ARHGAP8: variants seen among roughly 807,000 people sequenced by gnomAD.
ARHGAP8 encodes the protein Rho GTPase activating protein 8.
A neutral mutation model predicts 46.1 loss-of-function variants in ARHGAP8; 62 were observed. That is an observed-to-expected ratio of 1.34 (90% CI 1.10 to 1.66). The LOEUF (loss-of-function observed/expected upper bound fraction) is 1.66. Ranked by LOEUF, ARHGAP8 falls within the 40% of genes most tolerant of loss-of-function variation. The pLI is 0.00. For missense variants in ARHGAP8, 923 were observed against 568.4 expected (o/e 1.62, Z -6.34); for synonymous variants, 375 against 243.1 (o/e 1.54, Z -5.05).
chr22:44,837,540 A>T (rs1931368319), intron 7 of ARHGAP8, among the ~76,000 whole-genome samples: 2 of 152,286 alleles, frequency 1.3e-5, no homozygotes, highest in East Asian at 1.9e-4. Context: ...GATGCACGAG[A>T]TGAACGTGGT....
chr22:44,839,731 C>A (rs1028832967), intron 7 of ARHGAP8, among the ~76,000 whole-genome samples: 1 of 152,210 alleles, frequency 6.6e-6, no homozygotes, highest in Non-Finnish European at 1.5e-5. Context: ...ACACTCAGCC[C>A]GGTGGGTTTC....
intron 2 of ARHGAP8, among the ~76,000 whole-genome samples, chr22:44,791,088 G>A (rs983850746): frequency 6.6e-6 from 1 of 151,994 alleles, no homozygotes; most frequent in African/African-American, 2.4e-5. Flanking sequence ...TGGGTACCCC[G>A]GGGACTGGGA....
At chr22:44,861,737 G>T (rs8138737) in intron 11 of ARHGAP8, among the ~76,000 whole-genome samples, 27,489 of 152,034 alleles carry the variant, frequency 0.18, 3,130 homozygotes, top group Admixed American at 0.24. Context: ...GTACCTTCCA[G>T]GCCCCAGATT....
At chr22:44,803,768 T>G (rs187284744) in intron 3 of ARHGAP8, among the ~76,000 whole-genome samples, 4 of 118,552 alleles carry the variant, frequency 3.4e-5, no homozygotes, top group Admixed American at 9.6e-5. Context: ...CCCCCTCCCA[T>G]GCACACACCC....
chr22:44,758,397 G>T (rs940699012), intron 1 of ARHGAP8, among the ~76,000 whole-genome samples: 1 of 152,162 alleles, frequency 6.6e-6, no homozygotes, highest in Non-Finnish European at 1.5e-5. Context: ...ACTCCAGCCT[G>T]GGTGACAGAG....
At chr22:44,760,753 G>A (rs1925068297) in intron 1 of ARHGAP8, among the ~76,000 whole-genome samples, 1 of 152,212 alleles carries the variant, frequency 6.6e-6, no homozygotes, top group African/African-American at 2.4e-5. Flanking sequence ...GAACAGTTGG[G>A]TGATTTGAAT....
In ARHGAP8 at chr22:44,837,324, C is replaced by T. The variant is rs528328161; in HGVS notation, c.597-7945C>T. Among the ~76,000 whole-genome samples, 8 of 152,338 alleles carry T rather than the reference C, an allele frequency of 5.3e-5. No homozygotes were observed. In the South Asian group the frequency reaches 6.2e-4, roughly 12 times the overall value. ...CAAGCAAGAATTCTATGCTGAGAGT[C>T]CCCGATGCCCTCCAGTGGGTGGACG... On this transcript the variant is annotated intron_variant, in intron 7 of 11. Transcript: ENST00000356099.
At chr22:44,856,885 C>T (rs1251740250) in intron 10 of ARHGAP8, among the ~76,000 whole-genome samples, 2 of 144,108 alleles carry the variant, frequency 1.4e-5, no homozygotes, top group Non-Finnish European at 3.0e-5. Context: ...GAGACTTTGA[C>T]CACCCTCACA....
At chr22:44,783,422 C>T (rs974998856) in intron 1 of ARHGAP8, among the ~76,000 whole-genome samples, 2 of 152,158 alleles carry the variant, frequency 1.3e-5, no homozygotes, top group Non-Finnish European at 2.9e-5. Context: ...TTGAAGAGCT[C>T]GGCCCCCACA....
chr22:44,859,480 C>T (rs1400157049), intron 10 of ARHGAP8, among the ~76,000 whole-genome samples: 3 of 152,154 alleles, frequency 2.0e-5, no homozygotes, highest in African/African-American at 2.4e-5. Context: ...CATGCTTGTA[C>T]AGCCTGTAGA....
At chr22:44,807,305 G>A (rs887052019) in intron 3 of ARHGAP8, among the ~76,000 whole-genome samples, 2 of 152,186 alleles carry the variant, frequency 1.3e-5, no homozygotes, top group Non-Finnish European at 2.9e-5. Context: ...GGCAGGGCAA[G>A]CCCTTTCCCA....
chr22:44,827,429 G>A (rs1322891150), intron 7 of ARHGAP8, among the ~76,000 whole-genome samples: 2 of 124,550 alleles, frequency 1.6e-5, no homozygotes, highest in East Asian at 2.7e-4. Context: ...CGCAACCTCC[G>A]CTCCCCAGGT....
intron 5 of ARHGAP8, among the ~76,000 whole-genome samples, chr22:44,821,430 A>AG: frequency 2.7e-3 from 1 of 370 alleles, no homozygotes; most frequent in Non-Finnish European, 5.6e-3. Context: ...CTCCATCTCG[A>AG]AAAAAAAAAA....
chr22:44,845,196 C>G, intron 7 of ARHGAP8, 73 bp from the exon 8 acceptor site: 1 of 1,577,866 alleles, frequency 6.3e-7, no homozygotes, highest in Non-Finnish European at 8.7e-7. Flanking sequence ...GTGGAGAGGA[C>G]CAGCGCCTCT....
At chr22:44,798,529 GT>G (rs55701477) in intron 2 of ARHGAP8, among the ~76,000 whole-genome samples, 112,632 of 129,942 alleles carry the variant, frequency 0.87, 48,697 homozygotes, top group East Asian at 0.97. Flanking sequence ...GGGGACTTGC[GT>G]TTTTTTTTTT....
chr22:44,859,815 T>G lies in ARHGAP8; in HGVS notation c.962T>G (p.Leu321Arg), dbSNP rs1389665311. The change falls in exon 11 of 12, where the codon CTC (leucine) becomes CGC (arginine). Residue 321 changes from leucine to arginine, a missense_variant. Physicochemically the swap from Leu to Arg is moderately radical, Grantham distance 102. Transcript: ENST00000356099. ...CACAACTACGTCGTCCTCCGCTACC[T>G]CATGGGCTTCCTGCATGCGGTGAGT... is the stretch of plus-strand genomic sequence containing the variant. Reference protein sequence around the residue: ...PEHNYVVLRYLMGFLHAVSRE... With the variant: ...PEHNYVVLRYRMGFLHAVSRE... 2 of 1,613,892 alleles carry G rather than the reference T, an allele frequency of 1.2e-6. No homozygotes were observed. The highest frequency in any genetic ancestry group is 1.7e-6 in the Non-Finnish European group (2 of 1,179,948).
intron 1 of ARHGAP8, among the ~76,000 whole-genome samples, chr22:44,754,259 G>A (rs1336491885): frequency 6.6e-6 from 1 of 152,092 alleles, no homozygotes; most frequent in African/African-American, 2.4e-5. Context: ...TCGCTTGTGA[G>A]GTACGGGTGG....
rs199554128 is a variant in ARHGAP8 at position 44,813,328 on chromosome 22, TACAG to T, written c.300-1340_300-1337del. ...GTACATACACCTGCATACACATACA[TACAG>T]ACACCTACATATACATACACTTACA... On this transcript the variant is annotated intron_variant, in intron 4 of 11. Transcript: ENST00000356099. 2.7e-3 allele frequency among the ~76,000 whole-genome samples: 405 copies of T among 150,574 alleles called. 4 individuals carry two copies. The East Asian group carries it at 0.034, about 13-fold the overall frequency.
intron 10 of ARHGAP8, among the ~76,000 whole-genome samples, chr22:44,858,368 G>GGT (rs1491403011): frequency 2.0e-5 from 2 of 100,630 alleles, no homozygotes; most frequent in African/African-American, 7.1e-5. Flanking sequence ...GGTTGGTGGT[G>GGT]GTTTTTTTTT....
Sources: gnomAD v4.1 joint callset for allele counts (sites outside exome capture counted in the v4.1 genomes callset) on GRCh38, gnomAD v4.1.1 for gene constraint, MANE v1.5 for transcripts, NCBI Gene and HGNC (gene_info 2026-07-23, HGNC 2026-07-21) for gene names.